ADORA2B: variants seen among roughly 807,000 people sequenced by gnomAD.
The protein encoded by ADORA2B is adenosine A2b receptor.
A neutral mutation model predicts 20.8 loss-of-function variants in ADORA2B; 18 were observed. The observed-to-expected ratio is 0.87, with a 90% CI of 0.60 to 1.29. The LOEUF (loss-of-function observed/expected upper bound fraction) is 1.29, where lower values mean the gene tolerates loss of function less well. ADORA2B is among the 50% of genes most tolerant of loss of function. The pLI is 0.00. For missense variants in ADORA2B, 441 were observed against 422.7 expected, an observed-to-expected ratio of 1.04 and a Z score of -0.38; for synonymous variants, 179 against 178.3, an observed-to-expected ratio of 1.00 and a Z score of -0.03.
the ADORA2B span, among the ~76,000 whole-genome samples, chr17:15,859,259 G>A: frequency 2.0e-5 from 3 of 152,068 alleles, no homozygotes; most frequent in African/African-American, 7.2e-5. Context: ...TCTATTTACT[G>A]TAATAAAGGA....
chr17:15,944,646 C>T (rs564533355), upstream of ADORA2B, among the ~76,000 whole-genome samples: 22 of 152,202 alleles, frequency 1.4e-4, no homozygotes, highest in South Asian at 2.1e-3. This position sits in a 1 kb window ranked among gnomAD's most constrained non-coding sequence, Gnocchi z 4.8. Flanking sequence ...CTGCGCTGCC[C>T]GAGACTGCTG....
chr17:15,908,018 A>G, the ADORA2B span, among the ~76,000 whole-genome samples: 1 of 152,236 alleles, frequency 6.6e-6, no homozygotes, highest in Non-Finnish European at 1.5e-5. Context: ...CTGGGGAATT[A>G]GAAATGTGGA....
At chr17:15,873,508 T>G in the ADORA2B span, among the ~76,000 whole-genome samples, 8 of 152,252 alleles carry the variant, frequency 5.3e-5, no homozygotes, top group African/African-American at 1.7e-4. Context: ...AAAGGACTAG[T>G]ATCCAGAATC....
chr17:15,933,974 T>C, the ADORA2B span, among the ~76,000 whole-genome samples: 1 of 152,290 alleles, frequency 6.6e-6, no homozygotes, highest in African/African-American at 2.4e-5. Context: ...TTGAATACGC[T>C]ATATTAGCTT....
the ADORA2B span, among the ~76,000 whole-genome samples, chr17:15,851,600 C>T: frequency 5.9e-5 from 9 of 152,210 alleles, no homozygotes; most frequent in African/African-American, 1.9e-4. Context: ...TTTCTACTCC[C>T]TGTACCTTCC....
chr17:15,856,096 T>TGG, the ADORA2B span, among the ~76,000 whole-genome samples: 8 of 152,176 alleles, frequency 5.3e-5, no homozygotes, highest in African/African-American at 1.9e-4. Context: ...CCCATGTGTC[T>TGG]AGGGAGGGAC....
chr17:15,894,933 G>A, the ADORA2B span, among the ~76,000 whole-genome samples: 1,510 of 152,260 alleles, frequency 9.9e-3, 23 homozygotes, highest in African/African-American at 0.035. Flanking sequence ...TAGTGGGGAG[G>A]GGAGAGAGAT....
At chr17:15,925,438 C>T in the ADORA2B span, among the ~76,000 whole-genome samples, 2 of 152,090 alleles carry the variant, frequency 1.3e-5, no homozygotes, top group Non-Finnish European at 2.9e-5. Context: ...CAGGAGCCAC[C>T]GAGTCTAGCC....
chr17:15,908,887 C>T, the ADORA2B span, among the ~76,000 whole-genome samples: 1 of 152,266 alleles, frequency 6.6e-6, no homozygotes, highest in Middle Eastern at 3.4e-3. Context: ...TCCCTTCTTC[C>T]AGACCAAGAC....
the ADORA2B span, among the ~76,000 whole-genome samples, chr17:15,855,276 A>G: frequency 6.6e-6 from 1 of 151,974 alleles, no homozygotes; most frequent in Non-Finnish European, 1.5e-5. Flanking sequence ...TGGGGTAGGT[A>G]CTATTTATAT....
chr17:15,975,140 A>G lies in ADORA2B; in HGVS notation c.797A>G (p.Asn266Ser). The change falls in exon 2 of 2, where the codon AAT becomes AGT. Residue 266 changes from asparagine to serine, a missense_variant. By Grantham distance (46) the Asn-to-Ser change is conservative (BLOSUM62 1). Coordinates refer to ENST00000304222, the MANE Select transcript of ADORA2B (RefSeq NM_000676.4). ...VTLFQPAQGK[N>S]KPKWAMNMAI... Reference sequence around the variant, plus strand: ...CTTTTCCAGCCAGCTCAGGGTAAAAATAAGCCCAAGTGGGCAATGAATATG... The same window carrying G: ...CTTTTCCAGCCAGCTCAGGGTAAAAGTAAGCCCAAGTGGGCAATGAATATG... 9 of 1,614,212 alleles carry G rather than the reference A, an allele frequency of 5.6e-6. No homozygotes were observed. Among genetic ancestry groups the G allele is most frequent in the Non-Finnish European group, 7.6e-6 (9 of 1,180,042 alleles).
chr17:15,942,153 C>T (rs1389440892), upstream of ADORA2B, among the ~76,000 whole-genome samples: 1 of 152,172 alleles, frequency 6.6e-6, no homozygotes, highest in Non-Finnish European at 1.5e-5. Flanking sequence ...TCCCAAATCT[C>T]ATGCTGAAAT....
the ADORA2B span, among the ~76,000 whole-genome samples, chr17:15,871,987 G>A: frequency 2.6e-5 from 4 of 152,152 alleles, no homozygotes; most frequent in Admixed American, 1.3e-4. Context: ...ATGAATGTTC[G>A]CTGAAGACGT....
At chr17:15,950,835 C>A (rs1969891933) in intron 1 of ADORA2B, among the ~76,000 whole-genome samples, 1 of 152,192 alleles carries the variant, frequency 6.6e-6, no homozygotes, top group Non-Finnish European at 1.5e-5. Flanking sequence ...GTCTTTGCAC[C>A]CCCGTTCCTC....
chr17:15,857,474 G>A, the ADORA2B span, among the ~76,000 whole-genome samples: 8 of 152,164 alleles, frequency 5.3e-5, no homozygotes, highest in African/African-American at 1.9e-4. Flanking sequence ...AGTGTGTACC[G>A]TGCACCCAGA....
the ADORA2B span, among the ~76,000 whole-genome samples, chr17:15,918,575 G>C: frequency 6.6e-6 from 1 of 152,254 alleles, no homozygotes; most frequent in Non-Finnish European, 1.5e-5. Flanking sequence ...GGATTCAAGC[G>C]ATTCTCCTGC....
the ADORA2B span, among the ~76,000 whole-genome samples, chr17:15,876,414 CT>C: frequency 6.2e-4 from 86 of 137,688 alleles, 1 homozygote; most frequent in Middle Eastern, 3.9e-3. Flanking sequence ...AGCTTAAGGT[CT>C]TTTTTTTTTC....
At chr17:15,922,939 T>C in the ADORA2B span, among the ~76,000 whole-genome samples, 1 of 152,226 alleles carries the variant, frequency 6.6e-6, no homozygotes, top group Non-Finnish European at 1.5e-5. Flanking sequence ...TGAGACTGAA[T>C]ATGTTTTAAA....
chr17:15,962,652 C>A (rs1363543530), intron 1 of ADORA2B, among the ~76,000 whole-genome samples: 4 of 152,188 alleles, frequency 2.6e-5, no homozygotes, highest in Admixed American at 2.0e-4. Context: ...TGGCCTCAGC[C>A]TCCTGAGTAG....
Sources: allele counts gnomAD v4.1 joint callset (sites outside exome capture counted in the v4.1 genomes callset), GRCh38; gene constraint gnomAD v4.1.1; non-coding constraint Gnocchi (gnomAD v3.1); transcripts MANE v1.5; gene names NCBI Gene and HGNC (gene_info 2026-07-23, HGNC 2026-07-21).